Variants in FBXO39 observed in about 807,000 individuals in gnomAD.
FBXO39 encodes the protein F-box protein 39.
In FBXO39, 22 loss-of-function variants were observed where a neutral mutation model predicts 36.6. That is an observed-to-expected ratio of 0.60 (90% CI 0.43 to 0.86). The LOEUF (loss-of-function observed/expected upper bound fraction) is 0.86, where lower values mean the gene tolerates loss of function less well. Ranked by LOEUF, FBXO39 falls within the 40% of genes least tolerant of loss-of-function variation. The pLI is 0.00. For synonymous variants in FBXO39, 206 were observed against 205.8 expected (o/e 1.00, Z -0.01); for missense variants, 536 against 543.9 (o/e 0.99, Z 0.14).
At chr17:6,785,450 C>G (rs937547253) in intron 2 of FBXO39, among the ~76,000 whole-genome samples, 3 of 149,592 alleles carry the variant, frequency 2.0e-5, no homozygotes, top group Admixed American at 2.0e-4. Context: ...ACTTCTTGAG[C>G]AATACCCACA....
At chr17:6,786,982 C>A (rs781095249) in intron 3 of FBXO39, 26 bp downstream of exon 3, 1 of 1,598,014 alleles carries the variant, frequency 6.3e-7, no homozygotes, top group Non-Finnish European at 8.5e-7. Context: ...GCTGGTTCCA[C>A]GGCGTAGAGT....
At chr17:6,777,896 G>T (rs566916718) in intron 1 of FBXO39, among the ~76,000 whole-genome samples, 7 of 152,210 alleles carry the variant, frequency 4.6e-5, no homozygotes, top group African/African-American at 1.7e-4. Flanking sequence ...AAGTCTGTTC[G>T]GATGTGGCGG....
At chr17:6,786,182 C>A (rs570453174) in intron 2 of FBXO39, among the ~76,000 whole-genome samples, 7 of 152,208 alleles carry the variant, frequency 4.6e-5, no homozygotes, top group Non-Finnish European at 1.0e-4. Context: ...GAATGAGATT[C>A]TGTTGTTTGC....
intron 3 of FBXO39, 62 bp from the exon 4 acceptor site, chr17:6,787,234 GTGTA>G (rs368174478): frequency 0.011 from 15,129 of 1,360,092 alleles, 10 homozygotes; most frequent in Admixed American, 0.017. Context: ...GTGTGTGTGT[GTGTA>G]TGTGTGTGTG....
Position 6,780,159 on chromosome 17 carries a change from G to T in FBXO39, c.291G>T (p.Met97Ile). 1 of 1,614,220 alleles carries T rather than the reference G, an allele frequency of 6.2e-7. No homozygotes were observed. Among genetic ancestry groups the T allele is most frequent in the South Asian group, 1.1e-5 (1 of 91,080 alleles). Residue 97 changes from methionine (M) to isoleucine (I), a missense_variant, in exon 2 of 4, where the codon ATG becomes ATT. Transcript: ENST00000321535. ...TGGAGCACCTGGAGGTCAAATTCATGAATCCTTACAATGCTGTCTTGACCA... is the reference window on the plus strand; with the variant it reads ...TGGAGCACCTGGAGGTCAAATTCATTAATCCTTACAATGCTGTCTTGACCA... ...RYLEHLEVKF[M>I]NPYNAVLTKK...
rs567414839 is a variant in FBXO39, at chr17:6,776,586, C to T, written c.-81+314C>T. Among the ~76,000 whole-genome samples, 17 of 152,314 alleles carry T rather than the reference C, an allele frequency of 1.1e-4. No individual in the cohort carries two copies. The South Asian group carries it at 2.3e-3, about 20-fold the overall frequency. On this transcript the variant is annotated intron_variant, in intron 1 of 3. Transcript: ENST00000321535. ...GTTCTCCCTGGGAAACTTTATTCAC[C>T]TTCCAACACCTCCGTTTCCGTATTT...
At chr17:6,786,170 A>G (rs1262468973) in intron 2 of FBXO39, among the ~76,000 whole-genome samples, 2 of 152,260 alleles carry the variant, frequency 1.3e-5, no homozygotes, top group African/African-American at 4.8e-5. Context: ...AGTCACAAAA[A>G]AGAATGAGAT....
At chr17:6,786,259 T>C (rs879082349) in intron 2 of FBXO39, among the ~76,000 whole-genome samples, 1 of 152,226 alleles carries the variant, frequency 6.6e-6, no homozygotes, top group Non-Finnish European at 1.5e-5. Flanking sequence ...GGACAAACTT[T>C]GCATGTTCTC....
chr17:6,784,246 T>C (rs1976540329), intron 2 of FBXO39, among the ~76,000 whole-genome samples: 1 of 152,044 alleles, frequency 6.6e-6, no homozygotes, highest in South Asian at 2.1e-4. Flanking sequence ...AAAAACTGGG[T>C]ATAGAAGGAG....
At position 6,785,125 on chromosome 17, in the gene FBXO39, TG is replaced by T. The variant is rs147426639; in HGVS notation, c.1024-1653del. Among the ~76,000 whole-genome samples, 869 of 152,120 alleles carry T rather than the reference TG, an allele frequency of 5.7e-3. 6 individuals are homozygous for T. Among genetic ancestry groups the T allele is most frequent in the Middle Eastern group, 0.017 (5 of 294 alleles). On this transcript the variant is annotated intron_variant, in intron 2 of 3. Coordinates refer to ENST00000321535, the MANE Select transcript of FBXO39 (RefSeq NM_153230.3). Reference sequence around the variant, plus strand: ...CAGATTTTAAGCCCCTTATATATTCTGGTTATTTATTAATCCCATAAAGACC... The same window carrying T: ...CAGATTTTAAGCCCCTTATATATTCTGTTATTTATTAATCCCATAAAGACC...
chr17:6,776,824 G>T (rs1488794333), intron 1 of FBXO39, among the ~76,000 whole-genome samples: 1 of 151,880 alleles, frequency 6.6e-6, no homozygotes, highest in Non-Finnish European at 1.5e-5. Flanking sequence ...CAGATGTGAG[G>T]ATTCACACAT....
chr17:6,776,406 C>G (rs1050705123), intron 1 of FBXO39, 134 bp downstream of exon 1: 3 of 152,032 alleles, frequency 2.0e-5, no homozygotes, highest in African/African-American at 7.3e-5. Context: ...GCTCTCATCA[C>G]CCCCTCTGGG....
At chr17:6,776,567 C>G (rs1976414985) in intron 1 of FBXO39, among the ~76,000 whole-genome samples, 1 of 152,174 alleles carries the variant, frequency 6.6e-6, no homozygotes, top group African/African-American at 2.4e-5. Context: ...ACACGTTCTC[C>G]CTGGGAAACT....
In FBXO39 at chr17:6,787,610, G is replaced by C. The variant is rs945248807; in HGVS notation, c.*182G>C. The C allele has an allele frequency of 7.0e-6, 4 of 569,516 alleles. No individual in the cohort carries two copies. The highest frequency in any genetic ancestry group is 1.2e-5 in the Non-Finnish European group (4 of 332,962). 35.3% of individuals were successfully genotyped at this position (569,516 alleles called of 1,614,324 possible). On this transcript the variant is annotated 3_prime_UTR_variant, in exon 4 of 4. Coordinates refer to ENST00000321535, the MANE Select transcript of FBXO39 (RefSeq NM_153230.3). The stretch of plus-strand genomic sequence containing the variant: ...GGCTGAGACTGCCCATGACCTGAAG[G>C]CTCCAGGTGGCTTTAAAGCGCTATG...
At chr17:6,786,682 T>C (rs1976576080) in intron 2 of FBXO39, 98 bp from the exon 3 acceptor site, 1 of 989,410 alleles carries the variant, frequency 1.0e-6, no homozygotes, top group Admixed American at 2.9e-5. Context: ...TCATCATGGC[T>C]ATCAGGCCCA....
chr17:6,781,063 G>A (rs1277933591), intron 2 of FBXO39, among the ~76,000 whole-genome samples, 172 bp downstream of exon 2: 1 of 152,180 alleles, frequency 6.6e-6, no homozygotes, highest in African/African-American at 2.4e-5. Context: ...ACCACAGTAG[G>A]CAACAGAAGC....
intron 3 of FBXO39, 53 bp from the exon 4 acceptor site, chr17:6,787,247 T>TGCGC (rs201703257): frequency 0.01 from 14,428 of 1,435,304 alleles, 76 homozygotes; most frequent in East Asian, 0.088. Context: ...TATGTGTGTG[T>TGCGC]GTGTGTGCGT....
rs142490988 is a variant in FBXO39 at position 6,786,931 on chromosome 17, G to A, written c.1175G>A (p.Arg392Gln). The change falls in exon 3 of 4, where the codon CGG becomes CAG. Residue 392 changes from arginine to glutamine, a missense_variant. Coordinates refer to ENST00000321535, the MANE Select transcript of FBXO39 (RefSeq NM_153230.3). ...VERILKSQKE[R>Q]QCALRVFKAR... The stretch of plus-strand genomic sequence containing the variant: ...CGGATCCTGAAGAGTCAGAAAGAAC[G>A]GCAGTGTGCCCTGCGTGTATTCAAG... 1.9e-5 allele frequency: 30 copies of A among 1,613,782 alleles called. No homozygotes were observed. The highest frequency in any genetic ancestry group is 8.3e-5 in the Admixed American group (5 of 59,968).
At chr17:6,780,971 G>T (rs1976503266) in intron 2 of FBXO39, 80 bp downstream of exon 2, 1 of 1,416,302 alleles carries the variant, frequency 7.1e-7, no homozygotes, top group East Asian at 2.3e-5. Context: ...CCTGCTCTTG[G>T]CTAGGCTCCC....
Sources: allele counts gnomAD v4.1 joint callset (sites outside exome capture counted in the v4.1 genomes callset), GRCh38; gene constraint gnomAD v4.1.1; transcripts MANE v1.5; gene names NCBI Gene and HGNC (gene_info 2026-07-23, HGNC 2026-07-21).